Variants in WDFY3 observed in about 807,000 individuals in gnomAD.
The protein encoded by WDFY3 is WD repeat and FYVE domain containing 3.
WDFY3 carries 66 observed loss-of-function variants against 409.6 expected under a neutral mutation model. That is an observed-to-expected ratio of 0.16 (90% confidence interval 0.13 to 0.20). The LOEUF is 0.20. WDFY3 is among the 10% of genes least tolerant of loss of function. WDFY3 has a pLI of 1.00. For synonymous variants in WDFY3, 1,521 were observed against 1,537.1 expected (o/e 0.99, Z 0.25); for missense variants, 3,031 against 4,298.1 (o/e 0.71, Z 8.24).
chr4:84,798,007 G>T lies in WDFY3; in HGVS notation c.2924C>A (p.Pro975Gln). The T allele has an allele frequency of 1.2e-6, 2 of 1,605,728 alleles. No individual in the cohort carries two copies. The highest frequency in any genetic ancestry group is 4.5e-5 in the East Asian group (2 of 44,652). Reference sequence around the variant, plus strand: ...ATTTCAAAACTTACTTCTCATTTCTGGTTCATAACTCAGTGAACTTGGTTT... The same window carrying T: ...ATTTCAAAACTTACTTCTCATTTCTTGTTCATAACTCAGTGAACTTGGTTT... ...VHKPSSLSYE[P>Q]EMRSSMITSL... is the part of the protein sequence containing the mutation. Residue 975 changes from proline (P) to glutamine (Q), a missense_variant, in exon 18 of 68, where the codon CCA becomes CAA. Coordinates refer to ENST00000295888, the MANE Select transcript of WDFY3 (RefSeq NM_014991.6).
intron 67 of WDFY3, among the ~76,000 whole-genome samples, chr4:84,673,404 A>G (rs977976463): frequency 1.3e-5 from 2 of 152,176 alleles, no homozygotes; most frequent in Non-Finnish European, 2.9e-5. Flanking sequence ...AAAACTCACT[A>G]GCGGAAATTA....
intron 32 of WDFY3, among the ~76,000 whole-genome samples, chr4:84,764,797 G>A (rs778248937): frequency 6.7e-4 from 102 of 151,838 alleles, no homozygotes; most frequent in Admixed American, 3.5e-3. Flanking sequence ...CCCGGAAGGT[G>A]GAGCTTGCAG....
intron 13 of WDFY3, among the ~76,000 whole-genome samples, chr4:84,815,285 T>G (rs1162530056): frequency 2.0e-5 from 3 of 152,144 alleles, no homozygotes; most frequent in African/African-American, 7.2e-5. Flanking sequence ...TTCATTCAGA[T>G]TCTTGAAAAA....
At position 84,821,648 on chromosome 4, in the gene WDFY3, T is replaced by C. The variant is rs1183808468; in HGVS notation, c.1124-97A>G. ...AACACATCATGAATTATAACATTTA[T>C]CAATTATTTACTAAGAACATAACCC... On this transcript the variant is annotated intron_variant, in intron 10 of 67. Coordinates refer to ENST00000295888, the MANE Select transcript of WDFY3 (RefSeq NM_014991.6). 3.8e-6 allele frequency: 4 copies of C among 1,044,328 alleles called. No individual in the cohort carries two copies. The African/African-American group carries it at 4.9e-5, about 13-fold the overall frequency. The allele number at this position is 1,044,328 out of a possible 1,614,324, so 64.7% of individuals were successfully genotyped here. A position where few individuals can be genotyped will look rare whatever the true frequency, so the allele number is the denominator to read the frequency against.
chr4:84,846,434 A>G (rs1758085398), intron 5 of WDFY3, among the ~76,000 whole-genome samples: 1 of 151,950 alleles, frequency 6.6e-6, no homozygotes, highest in Non-Finnish European at 1.5e-5. Context: ...GATTTAAGAC[A>G]TCTTTCATTA....
intron 51 of WDFY3, among the ~76,000 whole-genome samples, chr4:84,710,841 T>A (rs1732761103): frequency 6.6e-6 from 1 of 152,218 alleles, no homozygotes; most frequent in Non-Finnish European, 1.5e-5. Context: ...AGGCTCATTA[T>A]GTTTTTAAGG....
chr4:84,792,155 T>A (rs1173423176), intron 21 of WDFY3, among the ~76,000 whole-genome samples: 1 of 152,184 alleles, frequency 6.6e-6, no homozygotes, highest in Non-Finnish European at 1.5e-5. Flanking sequence ...ATTTTTAGAA[T>A]CTTAAAATAT....
At position 84,677,375 on chromosome 4, in the gene WDFY3, A is replaced by G; in HGVS notation, c.10281T>C (p.Val3427=). ...GISKDHSRIL[V]GDSRGRVFSW... ...TGAAAACTCGGCCTCGACTGTCACC[A>G]ACGAGGATCCTACTGTGATCCCTGC... Residue 3427 remains valine, a synonymous_variant, in exon 67 of 68, where the codon GTT becomes GTC. Coordinates refer to ENST00000295888, the MANE Select transcript of WDFY3 (RefSeq NM_014991.6). The G allele has an allele frequency of 6.2e-7, 1 of 1,613,280 alleles. No individual in the cohort carries two copies. Among genetic ancestry groups the G allele is most frequent in the Non-Finnish European group, 8.5e-7 (1 of 1,179,576 alleles).
chr4:84,736,465 C>T, intron 41 of WDFY3, 138 bp from the exon 42 acceptor site: 1 of 755,728 alleles, frequency 1.3e-6, no homozygotes, highest in Non-Finnish European at 1.9e-6. Context: ...ATATTACATT[C>T]AGATATCACA....
rs77751587 is a variant in WDFY3, at chr4:84,720,948, G to C, written c.7605+461C>G. Reference sequence around the variant, plus strand: ...AGAGGTCAGCAGGGTATTGGAGGTTGAGCAAGAAATAGGAAGGTGATGTCT... The same window carrying C: ...AGAGGTCAGCAGGGTATTGGAGGTTCAGCAAGAAATAGGAAGGTGATGTCT... On this transcript the variant is annotated intron_variant, in intron 47 of 67. Coordinates refer to ENST00000295888, the MANE Select transcript of WDFY3 (RefSeq NM_014991.6). 6.6e-3 allele frequency among the ~76,000 whole-genome samples: 1,010 copies of C among 152,300 alleles called. 11 individuals carry two copies. The highest frequency in any genetic ancestry group is 0.023 in the African/African-American group (966 of 41,548).
intron 3 of WDFY3, among the ~76,000 whole-genome samples, chr4:84,871,071 G>T (rs190376682): frequency 6.6e-6 from 1 of 152,086 alleles, no homozygotes; most frequent in East Asian, 1.9e-4. Flanking sequence ...AAAGAACTTT[G>T]AGAACTTTGC....
chr4:84,856,589 G>A (rs1341923066), intron 4 of WDFY3, among the ~76,000 whole-genome samples: 1 of 152,146 alleles, frequency 6.6e-6, no homozygotes, highest in Non-Finnish European at 1.5e-5. Flanking sequence ...GGACTGTAAT[G>A]AAGACAACAG....
At chr4:84,822,539 TA>T (rs1560849392) in intron 10 of WDFY3, among the ~76,000 whole-genome samples, 1 of 151,292 alleles carries the variant, frequency 6.6e-6, no homozygotes, top group African/African-American at 2.4e-5. Context: ...ACAAGAGATT[TA>T]AAAAAAAATT....
At chr4:84,673,431 G>A (rs1725755770) in intron 67 of WDFY3, among the ~76,000 whole-genome samples, 1 of 151,942 alleles carries the variant, frequency 6.6e-6, no homozygotes, top group Admixed American at 6.5e-5. Flanking sequence ...TCACTAATGA[G>A]TATCTATTTT....
intron 15 of WDFY3, chr4:84,804,168 C>G (rs999907061): frequency 7.2e-5 from 11 of 152,210 alleles, no homozygotes; most frequent in Non-Finnish European, 1.3e-4. Flanking sequence ...CATTTCTTCT[C>G]ATCAATGATC....
chr4:84,739,275 T>C, intron 39 of WDFY3, 156 bp from the exon 40 acceptor site: 2 of 640,270 alleles, frequency 3.1e-6, no homozygotes, highest in Non-Finnish European at 2.7e-6. Flanking sequence ...AGATGCCATT[T>C]TTAAGAGGTG....
In WDFY3 at chr4:84,934,242, C is replaced by A. The variant is rs985660319; in HGVS notation, c.-225-1879G>T. Among the ~76,000 whole-genome samples the A allele has an allele frequency of 3.9e-5, 6 of 152,010 alleles. No individual in the cohort carries two copies. In the East Asian group the frequency reaches 5.8e-4, roughly 15 times the overall value. ...AATGGGACGAGTTGATACCTCATTG[C>A]GGTTTTGATTTGAATTTCTTTGATG... is the stretch of plus-strand genomic sequence containing the variant. On this transcript the variant is annotated intron_variant, in intron 1 of 67. Transcript: ENST00000295888.
intron 62 of WDFY3, among the ~76,000 whole-genome samples, chr4:84,684,902 T>A (rs1264499997): frequency 2.0e-5 from 3 of 152,184 alleles, no homozygotes; most frequent in African/African-American, 7.2e-5. Flanking sequence ...ATCTCCTGTG[T>A]GCCAGTCACT....
chr4:84,810,422 G>C, intron 13 of WDFY3, 78 bp from the exon 14 acceptor site: 1 of 1,182,544 alleles, frequency 8.5e-7, no homozygotes, highest in Non-Finnish European at 1.1e-6. Flanking sequence ...CATGTATATG[G>C]AGGTTGTACA....
Sources: gnomAD v4.1 joint callset for allele counts (sites outside exome capture counted in the v4.1 genomes callset) on GRCh38, gnomAD v4.1.1 for gene constraint, MANE v1.5 for transcripts, NCBI Gene and HGNC (gene_info 2026-07-23, HGNC 2026-07-21) for gene names.